OPHN1: variants seen among roughly 807,000 people sequenced by gnomAD.
OPHN1 encodes the protein oligophrenin 1.
OPHN1 carries 11 observed loss-of-function variants against 60.7 expected under a neutral mutation model. The ratio of observed to expected loss-of-function variants is 0.18; its 90% CI spans 0.11 to 0.30. The LOEUF (loss-of-function observed/expected upper bound fraction) is 0.30, where lower values mean the gene tolerates loss of function less well. OPHN1 is among the 10% of genes least tolerant of loss of function. The pLI is 1.00. For missense variants in OPHN1, 449 were observed against 611.0 expected (o/e 0.73, Z 2.80); for synonymous variants, 226 against 222.6 (o/e 1.02, Z -0.14).
chrX:68,357,723 A>G (rs950044715), intron 2 of OPHN1, among the ~76,000 whole-genome samples: 1 of 110,624 alleles, frequency 9.0e-6, no homozygotes, highest in African/African-American at 3.3e-5. Context: ...ATGTGTGCAT[A>G]TGTCTTTATA....
chrX:68,326,956 G>A (rs199519928), intron 2 of OPHN1, among the ~76,000 whole-genome samples: 1 of 25,747 alleles, frequency 3.9e-5, no homozygotes, highest in Admixed American at 3.9e-4. Flanking sequence ...GGTGAGGGGC[G>A]CCTCTGCCCG....
chrX:68,402,081 G>A lies in OPHN1; in HGVS notation c.154+30786C>T, dbSNP rs187852632. Among the ~76,000 whole-genome samples, 18 of 111,590 alleles carry A rather than the reference G, an allele frequency of 1.6e-4. No homozygotes were observed. The East Asian group carries it at 4.5e-3, about 28-fold the overall frequency. ...ATCTGGAATCAGTATGGAATGAACCGAAGGAGAAAGGGATAGAAGTTGGCG... is the reference window on the plus strand; with the variant it reads ...ATCTGGAATCAGTATGGAATGAACCAAAGGAGAAAGGGATAGAAGTTGGCG... On this transcript the variant is annotated intron_variant, in intron 2 of 24. Transcript: ENST00000355520.
intron 23 of OPHN1, 130 bp from the exon 24 acceptor site, chrX:68,048,587 C>A (rs756126631): frequency 1.8e-6 from 1 of 553,012 alleles, no homozygotes; most frequent in South Asian, 2.7e-5. Context: ...TGATTCAGCC[C>A]AGATGTTTCA....
At chrX:68,340,542 C>T (rs1165998114) in intron 2 of OPHN1, among the ~76,000 whole-genome samples, 3 of 111,914 alleles carry the variant, frequency 2.7e-5, no homozygotes, top group Non-Finnish European at 5.6e-5. Flanking sequence ...TCATACTACA[C>T]AAAAGTTAAC....
At chrX:68,099,313 ACT>A (rs760654358) in intron 18 of OPHN1, among the ~76,000 whole-genome samples, 2 of 111,952 alleles carry the variant, frequency 1.8e-5, no homozygotes, top group East Asian at 5.6e-4. Flanking sequence ...GGAATCTTGA[ACT>A]CTCTAGTCCA....
intron 2 of OPHN1, among the ~76,000 whole-genome samples, chrX:68,332,080 G>A (rs1025288382): frequency 2.7e-5 from 3 of 111,203 alleles, no homozygotes; most frequent in Admixed American, 1.9e-4. Flanking sequence ...GAATGAGAAC[G>A]ATCTGAAGCA....
chrX:68,076,604 A>C (rs764919657), intron 19 of OPHN1, among the ~76,000 whole-genome samples: 1 of 111,702 alleles, frequency 9.0e-6, no homozygotes, highest in Non-Finnish European at 1.9e-5. Flanking sequence ...CTTAAGAAAA[A>C]TGTTTTACGT....
chrX:68,380,414 T>A (rs1431071727), intron 2 of OPHN1, among the ~76,000 whole-genome samples: 47 of 111,763 alleles, frequency 4.2e-4, no homozygotes, highest in African/African-American at 1.5e-3. Flanking sequence ...AAGGGTTTTT[T>A]GTGTCTCTAT....
At chrX:68,406,590 C>G (rs749341802) in intron 2 of OPHN1, among the ~76,000 whole-genome samples, 1 of 110,630 alleles carries the variant, frequency 9.0e-6, no homozygotes, top group East Asian at 2.9e-4. Flanking sequence ...CCAGCCTGTG[C>G]AACAGAGTAA....
chrX:68,080,290 G>A (rs1040387121), intron 19 of OPHN1, among the ~76,000 whole-genome samples: 22 of 112,288 alleles, frequency 2.0e-4, no homozygotes, highest in African/African-American at 7.1e-4. Context: ...TAGTCTCTTA[G>A]TTATTTAGTT....
At chrX:68,161,584 A>G (rs940587912) in intron 15 of OPHN1, among the ~76,000 whole-genome samples, 2 of 111,354 alleles carry the variant, frequency 1.8e-5, no homozygotes, top group Non-Finnish European at 3.8e-5. Context: ...AAATAAAAAA[A>G]TGATAAAGAT....
intron 2 of OPHN1, among the ~76,000 whole-genome samples, chrX:68,402,483 C>A (rs1034688923): frequency 1.8e-5 from 2 of 111,378 alleles, no homozygotes; most frequent in Non-Finnish European, 3.8e-5. Context: ...TACCATGAAC[C>A]AAAATAAAGA....
intron 17 of OPHN1, among the ~76,000 whole-genome samples, chrX:68,112,591 A>G (rs781638453): frequency 3.9e-4 from 44 of 112,624 alleles, no homozygotes; most frequent in African/African-American, 1.4e-3. Flanking sequence ...ATGCAGAATA[A>G]GGGTCACATT....
chrX:68,312,872 A>T (rs1396774178), intron 2 of OPHN1, among the ~76,000 whole-genome samples: 2 of 111,313 alleles, frequency 1.8e-5, no homozygotes, highest in East Asian at 5.6e-4. Flanking sequence ...TAGAGAGGCC[A>T]AGGCAGGAGG....
chrX:68,139,175 G>C (rs1214151809), intron 15 of OPHN1, among the ~76,000 whole-genome samples: 1 of 111,417 alleles, frequency 9.0e-6, no homozygotes. Flanking sequence ...AAAGAGGCTC[G>C]AGACTTAACA....
At chrX:68,332,034 CATAAATAA>C (rs751574373) in intron 2 of OPHN1, among the ~76,000 whole-genome samples, 119 of 108,470 alleles carry the variant, frequency 1.1e-3, no homozygotes, top group African/African-American at 3.0e-3. Flanking sequence ...GACTCTGTCT[CATAAATAA>C]ATAAATAAAT....
At chrX:68,118,502 T>C (rs766828048) in intron 16 of OPHN1, among the ~76,000 whole-genome samples, 1 of 112,046 alleles carries the variant, frequency 8.9e-6, no homozygotes, top group Non-Finnish European at 1.9e-5. Context: ...CCAGAACTTA[T>C]GTATCAATCT....
chrX:68,341,076 C>CAAA (rs1157921152), intron 2 of OPHN1, among the ~76,000 whole-genome samples: 23 of 85,481 alleles, frequency 2.7e-4, no homozygotes, highest in African/African-American at 9.3e-4. Flanking sequence ...TTTTTTACTG[C>CAAA]AAAAAAAAAA....
At chrX:68,334,222 A>C (rs908808971) in intron 2 of OPHN1, among the ~76,000 whole-genome samples, 7 of 111,538 alleles carry the variant, frequency 6.3e-5, no homozygotes, top group South Asian at 3.8e-4. Context: ...TAAATAGACT[A>C]AGGTAAGAAT....
Sources: allele counts gnomAD v4.1 joint callset (sites outside exome capture counted in the v4.1 genomes callset), GRCh38; gene constraint gnomAD v4.1.1; transcripts MANE v1.5; gene names NCBI Gene and HGNC (gene_info 2026-07-23, HGNC 2026-07-21).